Variants in WWOX observed in about 807,000 individuals in gnomAD.
The protein encoded by WWOX is WW domain-containing oxidoreductase.
Under a neutral mutation model 46.2 loss-of-function variants are expected in WWOX, and 69 were observed. That is an observed-to-expected ratio of 1.49 (90% confidence interval 1.23 to 1.82). The LOEUF is 1.82. Ranked by LOEUF, WWOX falls within the 40% of genes most tolerant of loss-of-function variation. The pLI is 0.00. For synonymous variants in WWOX, 359 were observed against 202.6 expected, an observed-to-expected ratio of 1.77 and a Z score of -6.56; for missense variants, 919 against 542.6, an observed-to-expected ratio of 1.69 and a Z score of -6.89.
chr16:78,174,515 C>A (rs1365051757), intron 5 of WWOX, among the ~76,000 whole-genome samples: 1 of 152,204 alleles, frequency 6.6e-6, no homozygotes, highest in Non-Finnish European at 1.5e-5. Context: ...CCCCAGCCCT[C>A]CAAAATTCAT....
In WWOX at chr16:78,911,233, A is replaced by G. The variant is rs555731201; in HGVS notation, c.1057-300375A>G. Reference sequence around the variant, plus strand: ...TCTTTGATTTAATATTTCCAGAGCAATTTTGGTGATTTCCATTCAAATCTG... The same window carrying G: ...TCTTTGATTTAATATTTCCAGAGCAGTTTTGGTGATTTCCATTCAAATCTG... On this transcript the variant is annotated intron_variant, in intron 8 of 8. Coordinates refer to ENST00000566780, the MANE Select transcript of WWOX (RefSeq NM_016373.4). Among the ~76,000 whole-genome samples, 3 of 152,026 alleles carry G rather than the reference A, an allele frequency of 2.0e-5. No individual in the cohort carries two copies. In the South Asian group the frequency reaches 6.2e-4, roughly 32 times the overall value.
rs1002510641 is a variant in WWOX at position 78,302,119 on chromosome 16, C to T, written c.517-84741C>T. On this transcript the variant is annotated intron_variant, in intron 5 of 8. Transcript: ENST00000566780. Reference sequence around the variant, plus strand: ...GGGACTACAGGCGCCTGCCACCATGCCCGGCTAACTTTTGTATTTTTAGTA... The same window carrying T: ...GGGACTACAGGCGCCTGCCACCATGTCCGGCTAACTTTTGTATTTTTAGTA... Among the ~76,000 whole-genome samples the T allele has an allele frequency of 1.3e-5, 2 of 152,060 alleles. 1 individual carries two copies. The highest frequency in any genetic ancestry group is 1.3e-4 in the Admixed American group (2 of 15,286).
At chr16:79,042,863 A>G (rs1011712795) in intron 8 of WWOX, among the ~76,000 whole-genome samples, 1 of 152,202 alleles carries the variant, frequency 6.6e-6, no homozygotes, top group African/African-American at 2.4e-5. Context: ...AATTTAATTA[A>G]AATAGCTTTT....
At chr16:78,230,574 G>T (rs1440256302) in intron 5 of WWOX, among the ~76,000 whole-genome samples, 1 of 152,232 alleles carries the variant, frequency 6.6e-6, no homozygotes, top group Non-Finnish European at 1.5e-5. Context: ...TTAAGTGGTT[G>T]ATAAAACTTT....
intron 4 of WWOX, among the ~76,000 whole-genome samples, chr16:78,126,755 C>G (rs2151691060): frequency 6.6e-6 from 1 of 152,284 alleles, no homozygotes; most frequent in African/African-American, 2.4e-5. Context: ...ATCAAAGGCA[C>G]TGTTGCTTTG....
intron 5 of WWOX, among the ~76,000 whole-genome samples, chr16:78,354,807 A>G (rs569840435): frequency 5.9e-5 from 9 of 152,152 alleles, no homozygotes; most frequent in Admixed American, 3.9e-4. Flanking sequence ...ACACTTCTTG[A>G]TATTTTTGAT....
At chr16:79,120,285 G>C (rs2049602172) in intron 8 of WWOX, among the ~76,000 whole-genome samples, 1 of 152,152 alleles carries the variant, frequency 6.6e-6, no homozygotes. Context: ...ATACCCTTCA[G>C]AGAGTCATTC....
At chr16:78,103,174 C>G (rs1441383204) in intron 1 of WWOX, among the ~76,000 whole-genome samples, 1 of 152,076 alleles carries the variant, frequency 6.6e-6, no homozygotes, top group African/African-American at 2.4e-5. Context: ...TACATGGTTT[C>G]CAAACGCCTT....
chr16:78,728,046 C>T (rs2048877137), intron 8 of WWOX, among the ~76,000 whole-genome samples: 1 of 96,296 alleles, frequency 1.0e-5, no homozygotes, highest in Admixed American at 1.1e-4. Context: ...TTTCCTCTCT[C>T]CCTCCTTCCT....
chr16:79,082,395 G>C (rs17727594), intron 8 of WWOX, among the ~76,000 whole-genome samples: 55,032 of 151,944 alleles, frequency 0.36, 12,370 homozygotes, highest in South Asian at 0.51. Flanking sequence ...TTTGTTATGA[G>C]AGTTACATCA....
intron 8 of WWOX, among the ~76,000 whole-genome samples, chr16:78,587,092 C>A (rs554006048): frequency 6.6e-6 from 1 of 151,774 alleles, no homozygotes; most frequent in South Asian, 2.1e-4. Context: ...GTGGCGTGAT[C>A]ACAGCCCACT....
chr16:79,199,377 C>T (rs2051302546), intron 8 of WWOX, among the ~76,000 whole-genome samples: 1 of 152,250 alleles, frequency 6.6e-6, no homozygotes, highest in East Asian at 1.9e-4. Context: ...CTGTCTTTAA[C>T]TGGGGATAAT....
chr16:78,973,399 G>A (rs2046510253), intron 8 of WWOX, among the ~76,000 whole-genome samples: 1 of 152,186 alleles, frequency 6.6e-6, no homozygotes, highest in Non-Finnish European at 1.5e-5. Context: ...ACTTTTAACA[G>A]CACAATACAG....
At chr16:79,142,858 T>C (rs578195516) in intron 8 of WWOX, among the ~76,000 whole-genome samples, 38 of 152,140 alleles carry the variant, frequency 2.5e-4, no homozygotes, top group Admixed American at 1.0e-3. Flanking sequence ...ACCATCATGC[T>C]GAGCTAATTT....
intron 8 of WWOX, among the ~76,000 whole-genome samples, chr16:78,546,051 CA>C (rs1322936113): frequency 1.3e-5 from 2 of 152,096 alleles, no homozygotes; most frequent in Non-Finnish European, 2.9e-5. Flanking sequence ...ATGCTGGGCA[CA>C]AGGAATGTTA....
rs867440576 is a variant in WWOX, at chr16:78,321,372, G to A, written c.517-65488G>A. Among the ~76,000 whole-genome samples the A allele has an allele frequency of 2.8e-3, 122 of 43,528 alleles. 3 individuals carry two copies. Among genetic ancestry groups the A allele is most frequent in the East Asian group, 9.7e-3 (4 of 414 alleles). 28.6% of individuals were successfully genotyped at this position (43,528 alleles called of 152,430 possible). A position where few individuals can be genotyped will look rare whatever the true frequency, so the allele number is the denominator to read the frequency against. On this transcript the variant is annotated intron_variant, in intron 5 of 8. Coordinates refer to ENST00000566780, the MANE Select transcript of WWOX (RefSeq NM_016373.4). ...TACGTATATATGCGTATATATATACGTATATATGCGTATATATATACGTAT... is the reference window on the plus strand; with the variant it reads ...TACGTATATATGCGTATATATATACATATATATGCGTATATATATACGTAT...
At chr16:78,886,677 G>A (rs1201219994) in intron 8 of WWOX, among the ~76,000 whole-genome samples, 3 of 146,740 alleles carry the variant, frequency 2.0e-5, no homozygotes, top group South Asian at 2.1e-4. Flanking sequence ...ATATATGAAG[G>A]GAGAAATAAA....
At chr16:78,433,858 C>T (rs1296665055) in intron 8 of WWOX, among the ~76,000 whole-genome samples, 2 of 136,906 alleles carry the variant, frequency 1.5e-5, no homozygotes, top group East Asian at 2.2e-4. Context: ...GGCGGGATCT[C>T]GGCTCACTGC....
At chr16:78,578,031 G>T (rs2044933708) in intron 8 of WWOX, among the ~76,000 whole-genome samples, 1 of 151,754 alleles carries the variant, frequency 6.6e-6, no homozygotes. Context: ...TACCGCCATT[G>T]TTCTTGTATA....
Sources: gnomAD v4.1 joint callset for allele counts (sites outside exome capture counted in the v4.1 genomes callset) on GRCh38, gnomAD v4.1.1 for gene constraint, MANE v1.5 for transcripts, NCBI Gene and HGNC (gene_info 2026-07-23, HGNC 2026-07-21) for gene names.